DPP6: variants seen among roughly 807,000 people sequenced by gnomAD.
DPP6 encodes the protein dipeptidyl peptidase like 6.
A neutral mutation model predicts 122.6 loss-of-function variants in DPP6; 69 were observed. The observed-to-expected ratio is 0.56, with a 90% confidence interval of 0.46 to 0.69. The LOEUF is 0.69. Ranked by LOEUF, DPP6 falls within the 30% of genes least tolerant of loss-of-function variation. The pLI, the probability that DPP6 is intolerant of heterozygous loss-of-function variation, is 0.00. For missense variants in DPP6, 928 were observed against 1,116.9 expected (o/e 0.83, Z 2.41); for synonymous variants, 418 against 433.1 (o/e 0.97, Z 0.43).
intron 8 of DPP6, among the ~76,000 whole-genome samples, chr7:154,769,067 A>C (rs917619572): frequency 1.3e-5 from 2 of 152,212 alleles, no homozygotes; most frequent in African/African-American, 4.8e-5. Flanking sequence ...TTAAGTAATA[A>C]TCAACAATAG....
rs1210144192 is a variant in DPP6, at chr7:154,152,827, C to T, written c.243+99764C>T. Among the ~76,000 whole-genome samples, 5 of 152,350 alleles carry T rather than the reference C, an allele frequency of 3.3e-5. 1 individual carries two copies. In the South Asian group the frequency reaches 6.2e-4, roughly 19 times the overall value. On this transcript the variant is annotated intron_variant, in intron 1 of 25. Transcript: ENST00000377770. ...AGTAAGCAGCACACACTGGCTGAGT[C>T]GGCTTTCCAATCAGAAACAAGCCCT...
chr7:154,296,350 G>A (rs1805544551), intron 1 of DPP6, among the ~76,000 whole-genome samples: 1 of 152,146 alleles, frequency 6.6e-6, no homozygotes, highest in African/African-American at 2.4e-5. Flanking sequence ...CCATCTTCTT[G>A]TAATTCTTAA....
the DPP6 span, among the ~76,000 whole-genome samples, chr7:153,801,010 T>A: frequency 6.6e-5 from 10 of 152,044 alleles, no homozygotes; most frequent in East Asian, 3.9e-4. Flanking sequence ...ATCAATTTTT[T>A]AAATTATTTT....
At chr7:153,977,034 C>T (rs544863149) in intron 1 of DPP6, among the ~76,000 whole-genome samples, 1 of 152,348 alleles carries the variant, frequency 6.6e-6, no homozygotes, top group East Asian at 1.9e-4. Flanking sequence ...CACACTTCTT[C>T]TAAGCTGCAG....
chr7:154,238,086 C>T (rs911357828), intron 1 of DPP6, among the ~76,000 whole-genome samples: 1 of 152,192 alleles, frequency 6.6e-6, no homozygotes, highest in Non-Finnish European at 1.5e-5. Flanking sequence ...TCCTTTTCCT[C>T]ACCAAAGAGA....
chr7:154,723,850 C>G (rs1005494009), intron 7 of DPP6, among the ~76,000 whole-genome samples: 1 of 152,316 alleles, frequency 6.6e-6, no homozygotes, highest in Non-Finnish European at 1.5e-5. Flanking sequence ...GGTCCGCATG[C>G]CTGATTTCTG....
chr7:154,384,277 T>C (rs1311625572), intron 1 of DPP6, among the ~76,000 whole-genome samples: 3 of 152,130 alleles, frequency 2.0e-5, no homozygotes, highest in Non-Finnish European at 4.4e-5. Context: ...AAGTGCGGTG[T>C]AAAGACCTGA....
intron 18 of DPP6, among the ~76,000 whole-genome samples, chr7:154,870,962 CAAAAAAAAA>C: frequency 1.0e-5 from 1 of 99,036 alleles, no homozygotes. Flanking sequence ...GACTCCATCT[CAAAAAAAAA>C]AAAAAAAAAA....
the DPP6 span, among the ~76,000 whole-genome samples, chr7:153,803,893 T>C: frequency 1.3e-5 from 2 of 148,980 alleles, no homozygotes; most frequent in Admixed American, 6.6e-5. Flanking sequence ...ACCTCTCCTA[T>C]TGGTTTTGTT....
At chr7:154,563,535 G>C (rs932302040) in intron 4 of DPP6, among the ~76,000 whole-genome samples, 1 of 152,216 alleles carries the variant, frequency 6.6e-6, no homozygotes, top group South Asian at 2.1e-4. Context: ...CAAGGGTAAT[G>C]GTGGTGGGAA....
chr7:154,076,382 G>A (rs1383938279), intron 1 of DPP6, among the ~76,000 whole-genome samples: 4 of 151,812 alleles, frequency 2.6e-5, no homozygotes, highest in Admixed American at 2.0e-4. Flanking sequence ...CCTGGGAGGC[G>A]GAGGTTGCAG....
chr7:154,765,849 C>A (rs1458790114), intron 8 of DPP6, among the ~76,000 whole-genome samples: 1 of 152,192 alleles, frequency 6.6e-6, no homozygotes, highest in East Asian at 1.9e-4. Flanking sequence ...AGGCAGGCGT[C>A]CATGCAATTA....
chr7:154,633,650 G>T (rs1397613518), intron 5 of DPP6, among the ~76,000 whole-genome samples: 1 of 152,194 alleles, frequency 6.6e-6, no homozygotes, highest in East Asian at 1.9e-4. Context: ...CTTTCTTAGT[G>T]CCTTTCTAGA....
chr7:154,162,234 G>A (rs1797019668), intron 1 of DPP6, among the ~76,000 whole-genome samples: 1 of 151,796 alleles, frequency 6.6e-6, no homozygotes, highest in Non-Finnish European at 1.5e-5. Flanking sequence ...CCTCATCTGA[G>A]TGGAGGGAGG....
At chr7:154,659,998 T>C (rs571974525) in intron 6 of DPP6, among the ~76,000 whole-genome samples, 3 of 152,326 alleles carry the variant, frequency 2.0e-5, no homozygotes, top group South Asian at 4.1e-4. Context: ...GATCCACACG[T>C]CATAAGGTTG....
chr7:154,402,096 C>T (rs1815665960), intron 1 of DPP6, among the ~76,000 whole-genome samples: 1 of 151,356 alleles, frequency 6.6e-6, no homozygotes. Context: ...AGTCAGGAAA[C>T]AACAGGTGCT....
intron 3 of DPP6, among the ~76,000 whole-genome samples, chr7:154,527,114 A>G (rs1437471343): frequency 1.3e-5 from 2 of 152,254 alleles, no homozygotes; most frequent in East Asian, 1.9e-4. Flanking sequence ...TAAAGTAGAA[A>G]GAATAGTAAA....
intron 1 of DPP6, among the ~76,000 whole-genome samples, chr7:153,944,671 T>G (rs1382460840): frequency 7.0e-6 from 1 of 143,150 alleles, no homozygotes; most frequent in East Asian, 2.0e-4. Flanking sequence ...TGGGTTTTTT[T>G]TTTTTTTTTT....
At chr7:154,350,171 T>A (rs1172423303) in intron 1 of DPP6, among the ~76,000 whole-genome samples, 1 of 152,036 alleles carries the variant, frequency 6.6e-6, no homozygotes, top group Non-Finnish European at 1.5e-5. Context: ...CACCCTATGG[T>A]TGATGGACAT....
Sources: gnomAD v4.1 joint callset for allele counts (sites outside exome capture counted in the v4.1 genomes callset) on GRCh38, gnomAD v4.1.1 for gene constraint, MANE v1.5 for transcripts, NCBI Gene and HGNC (gene_info 2026-07-23, HGNC 2026-07-21) for gene names.